Variants in CLASP1 observed in about 807,000 individuals in gnomAD.
The protein encoded by CLASP1 is cytoplasmic linker associated protein 1.
CLASP1 carries 38 observed loss-of-function variants against 192.3 expected under a neutral mutation model. The ratio of observed to expected loss-of-function variants is 0.20; its 90% CI spans 0.15 to 0.26. CLASP1 has a LOEUF of 0.26. Among genes scored for constraint, CLASP1 ranks in the 10% least tolerant of loss-of-function variants. The probability of loss-of-function intolerance (pLI) is 1.00; values close to 1 mark genes in which losing one functional copy is unlikely to be tolerated. For synonymous variants in CLASP1, 691 were observed against 712.8 expected (o/e 0.97, Z 0.49); for missense variants, 1,433 against 1,932.5 (o/e 0.74, Z 4.85).
intron 19 of CLASP1, among the ~76,000 whole-genome samples, chr2:121,436,706 C>T (rs530165904): frequency 1.4e-4 from 21 of 152,070 alleles, no homozygotes; most frequent in Middle Eastern, 3.4e-3. Context: ...CCACTGTGCC[C>T]GGCTTTAGTG....
intron 2 of CLASP1, among the ~76,000 whole-genome samples, chr2:121,561,843 G>A (rs994618007): frequency 1.3e-5 from 2 of 152,198 alleles, no homozygotes; most frequent in Non-Finnish European, 1.5e-5. Context: ...CTCCCTTGAA[G>A]AAAATCATCA....
intron 2 of CLASP1, among the ~76,000 whole-genome samples, chr2:121,580,806 T>C (rs1407738377): frequency 6.6e-6 from 1 of 152,182 alleles, no homozygotes; most frequent in Non-Finnish European, 1.5e-5. Flanking sequence ...ACAGAGGCCA[T>C]ATAATTTGGT....
At chr2:121,514,346 A>C (rs1221856405) in intron 7 of CLASP1, among the ~76,000 whole-genome samples, 2 of 152,178 alleles carry the variant, frequency 1.3e-5, no homozygotes, top group African/African-American at 4.8e-5. Context: ...CTTCGTCATT[A>C]AACAGTCCCT....
chr2:121,502,128 G>GT (rs989142661), intron 8 of CLASP1, among the ~76,000 whole-genome samples: 4 of 152,026 alleles, frequency 2.6e-5, no homozygotes, highest in Admixed American at 6.5e-5. Context: ...TCATCACAAA[G>GT]TATAGTGAAA....
intron 23 of CLASP1, among the ~76,000 whole-genome samples, chr2:121,417,705 A>G (rs2078834243): frequency 6.6e-6 from 1 of 152,236 alleles, no homozygotes; most frequent in African/African-American, 2.4e-5. Context: ...AAATACATCT[A>G]GATTTTGATT....
chr2:121,386,476 A>C (rs570661003), intron 32 of CLASP1, among the ~76,000 whole-genome samples: 2 of 152,340 alleles, frequency 1.3e-5, no homozygotes, highest in East Asian at 3.9e-4. Context: ...TAAAGCCACC[A>C]TGCAGTCTTC....
At chr2:121,553,863 A>G (rs1474008057) in intron 2 of CLASP1, among the ~76,000 whole-genome samples, 1 of 152,156 alleles carries the variant, frequency 6.6e-6, no homozygotes, top group Non-Finnish European at 1.5e-5. Context: ...AAATAGGCCA[A>G]ATGTCCATCA....
At chr2:121,508,620 A>AT (rs113342472) in intron 7 of CLASP1, among the ~76,000 whole-genome samples, 1,750 of 152,050 alleles carry the variant, frequency 0.012, 33 homozygotes, top group African/African-American at 0.038. Flanking sequence ...CACTGTATTT[A>AT]TTTTTTTTAT....
chr2:121,610,107 A>C (rs1488572742), intron 1 of CLASP1, among the ~76,000 whole-genome samples: 1 of 152,258 alleles, frequency 6.6e-6, no homozygotes, highest in Non-Finnish European at 1.5e-5. Flanking sequence ...AAATCAAAAA[A>C]TAATTGTATT....
intron 14 of CLASP1, among the ~76,000 whole-genome samples, chr2:121,452,238 A>AT (rs2149806243): frequency 6.6e-6 from 1 of 152,318 alleles, no homozygotes; most frequent in Non-Finnish European, 1.5e-5. Flanking sequence ...CTTTGCATTA[A>AT]TTTCGGAGAA....
chr2:121,504,980 T>C (rs771132867), intron 7 of CLASP1: 8 of 152,256 alleles, frequency 5.3e-5, no homozygotes, highest in Non-Finnish European at 1.2e-4. Flanking sequence ...TACATGATTG[T>C]GTTTCTTATG....
At chr2:121,483,036 A>G (rs2092709658) in intron 8 of CLASP1, among the ~76,000 whole-genome samples, 1 of 152,186 alleles carries the variant, frequency 6.6e-6, no homozygotes, top group Non-Finnish European at 1.5e-5. Context: ...TTCATCCAGC[A>G]GGAGCAAGAG....
At chr2:121,515,377 T>C (rs1038610626) in intron 7 of CLASP1, among the ~76,000 whole-genome samples, 54 of 152,164 alleles carry the variant, frequency 3.5e-4, no homozygotes, top group African/African-American at 1.3e-3. Context: ...TACAGAACCA[T>C]AAAACTGTAA....
intron 1 of CLASP1, among the ~76,000 whole-genome samples, chr2:121,623,441 T>C (rs1475240713): frequency 6.6e-6 from 1 of 152,252 alleles, no homozygotes; most frequent in Non-Finnish European, 1.5e-5. Context: ...TGCAAGTATT[T>C]TGTTGAGGTA....
At chr2:121,477,937 G>A (rs2091842643) in intron 8 of CLASP1, among the ~76,000 whole-genome samples, 1 of 152,180 alleles carries the variant, frequency 6.6e-6, no homozygotes, top group African/African-American at 2.4e-5. Context: ...ATAAGCTGAT[G>A]CTTAGGAGGT....
intron 1 of CLASP1, among the ~76,000 whole-genome samples, chr2:121,612,474 G>C (rs2065781422): frequency 6.6e-6 from 1 of 151,528 alleles, no homozygotes; most frequent in Non-Finnish European, 1.5e-5. Context: ...AGGAAGAGGA[G>C]GAATTAGAAA....
chr2:121,349,906 A>G (rs2064041099), intron 37 of CLASP1, among the ~76,000 whole-genome samples: 1 of 152,206 alleles, frequency 6.6e-6, no homozygotes, highest in African/African-American at 2.4e-5. Flanking sequence ...GGTCCCAGTC[A>G]TGCTAGTCCC....
At position 121,363,375 on chromosome 2, in the gene CLASP1, G is replaced by T. The variant is rs976914564; in HGVS notation, c.4078-75C>A. 9.6e-6 allele frequency: 15 copies of T among 1,565,484 alleles called. No homozygotes were observed. In the African/African-American group the frequency reaches 1.8e-4, roughly 18 times the overall value. On this transcript the variant is annotated intron_variant, in intron 36 of 39. Coordinates refer to ENST00000263710, the Ensembl canonical transcript of CLASP1. ...TCACACACAGCAGTCAGCAGGGTCG[G>T]CAAGGCCAAGCACCCAGTTCTGGGT...
chr2:121,574,947 A>G (rs2060356665), intron 2 of CLASP1, among the ~76,000 whole-genome samples: 2 of 151,176 alleles, frequency 1.3e-5, no homozygotes, highest in Admixed American at 6.6e-5. Context: ...TGTCTCAAAG[A>G]AAAAAAAAGA....
Sources: gnomAD v4.1 joint callset for allele counts (sites outside exome capture counted in the v4.1 genomes callset) on GRCh38, gnomAD v4.1.1 for gene constraint, MANE v1.5 for transcripts, NCBI Gene and HGNC (gene_info 2026-07-23, HGNC 2026-07-21) for gene names.